FZD6: variants seen among roughly 807,000 people sequenced by gnomAD.
FZD6 encodes frizzled-6.
A neutral mutation model predicts 61.4 loss-of-function variants in FZD6; 49 were observed. The ratio of observed to expected loss-of-function variants is 0.80; its 90% CI spans 0.63 to 1.01. The LOEUF (loss-of-function observed/expected upper bound fraction) is 1.01, where lower values mean the gene tolerates loss of function less well. Ranked by LOEUF, FZD6 falls within the 50% of genes least tolerant of loss-of-function variation. The probability of loss-of-function intolerance (pLI) is 0.00; values close to 1 mark genes in which losing one functional copy is unlikely to be tolerated. For missense variants in FZD6, 724 were observed against 848.2 expected, an observed-to-expected ratio of 0.85 and a Z score of 1.82; for synonymous variants, 265 against 292.2, an observed-to-expected ratio of 0.91 and a Z score of 0.95.
At chr8:103,314,627 A>G (rs1332583432) in intron 2 of FZD6, among the ~76,000 whole-genome samples, 1 of 152,222 alleles carries the variant, frequency 6.6e-6, no homozygotes, top group Non-Finnish European at 1.5e-5. Flanking sequence ...TTGCCCCATC[A>G]GGACAGGGGA....
intron 1 of FZD6, among the ~76,000 whole-genome samples, chr8:103,299,251 C>T (rs1297173004): frequency 6.6e-6 from 1 of 152,212 alleles, no homozygotes; most frequent in Non-Finnish European, 1.5e-5. Context: ...GGCAGGTTCC[C>T]GGGTGTGGGG....
chr8:103,328,452 A>G, intron 5 of FZD6, 36 bp downstream of exon 5: 1 of 1,442,574 alleles, frequency 6.9e-7, no homozygotes, highest in Non-Finnish European at 9.8e-7. Flanking sequence ...ACAATTTTTA[A>G]ATAAATAGAT....
chr8:103,331,080 G>A (rs568879691), intron 6 of FZD6, among the ~76,000 whole-genome samples: 4 of 152,252 alleles, frequency 2.6e-5, no homozygotes, highest in Admixed American at 2.6e-4. Flanking sequence ...GGGAGGCTGA[G>A]GCAGGAGAAT....
At chr8:103,311,877 T>C (rs1279755387) in intron 2 of FZD6, among the ~76,000 whole-genome samples, 1 of 152,146 alleles carries the variant, frequency 6.6e-6, no homozygotes, top group African/African-American at 2.4e-5. Context: ...ACTTTACTGA[T>C]GGATACTCTG....
intron 2 of FZD6, 53 bp downstream of exon 2, chr8:103,300,337 A>G (rs2130255582): frequency 8.2e-7 from 1 of 1,212,270 alleles, no homozygotes; most frequent in East Asian, 2.3e-5. Flanking sequence ...CTGTTCTAGA[A>G]TAAACTAGTA....
Position 103,304,875 on chromosome 8 carries a change from A to C in FZD6, c.177+4591A>C, listed in dbSNP as rs542384705. ...TTAAAGTAAAATTTATCACAAACCA[A>C]AAGGATCTGACTGGGACATCTTGGT... On this transcript the variant is annotated intron_variant, in intron 2 of 6. Transcript: ENST00000358755. Among the ~76,000 whole-genome samples the C allele has an allele frequency of 7.2e-5, 11 of 152,360 alleles. No homozygotes were observed. In the East Asian group the frequency reaches 2.1e-3, roughly 29 times the overall value.
chr8:103,328,231 C>T, intron 4 of FZD6, 37 bp from the exon 5 acceptor site: 1 of 1,510,996 alleles, frequency 6.6e-7, no homozygotes, highest in Non-Finnish European at 9.2e-7. Context: ...ACTTTAAGTG[C>T]ATCACTGAAA....
chr8:103,329,013 T>TTATATATATATATA (rs55730772), intron 5 of FZD6, among the ~76,000 whole-genome samples: 2,250 of 115,122 alleles, frequency 0.02, 82 homozygotes, highest in Non-Finnish European at 0.026. Context: ...CATTTTAGTT[T>TTATATATATATATA]TATATATATA....
chr8:103,331,731 AT>A lies in FZD6; in HGVS notation c.*229del, dbSNP rs1815141445. The stretch of plus-strand genomic sequence containing the variant: ...AACAGAAAATGTGCAGGTTAATAAT[AT>A]TTTTTTAATAGTGTGGGAGGACAGA... On this transcript the variant is annotated 3_prime_UTR_variant, in exon 7 of 7. Transcript: ENST00000358755. 4.1e-6 allele frequency: 2 copies of A among 485,390 alleles called. No individual in the cohort carries two copies. The highest frequency in any genetic ancestry group is 3.3e-5 in the Admixed American group (1 of 30,320). The allele number at this position is 485,390 out of a possible 1,614,324, so 30.1% of individuals were successfully genotyped here.
chr8:103,318,718 A>T lies in FZD6; in HGVS notation c.306A>T (p.Val102=). ...CTTGTCGTAAACTTTGTGAGAAAGT[A>T]TATTCTGATTGCAAAAAATTAATTG... is the stretch of plus-strand genomic sequence containing the variant. ...VPPCRKLCEK[V]YSDCKKLIDT... The change falls in exon 3 of 7, where the codon GTA becomes GTT. Residue 102 remains valine, a synonymous_variant. Coordinates refer to ENST00000358755, the MANE Select transcript of FZD6 (RefSeq NM_003506.4). 1 of 1,610,660 alleles carries T rather than the reference A, an allele frequency of 6.2e-7. No homozygotes were observed. The highest frequency in any genetic ancestry group is 1.1e-5 in the South Asian group (1 of 91,008).
rs1435160261 is a variant in FZD6, at chr8:103,331,612, A to G, written c.*103A>G. 9 of 797,834 alleles carry G rather than the reference A, an allele frequency of 1.1e-5. No individual in the cohort carries two copies. Among genetic ancestry groups the G allele is most frequent in the Non-Finnish European group, 1.7e-5 (8 of 461,614 alleles). 49.4% of individuals were successfully genotyped at this position (797,834 alleles called of 1,614,324 possible). A position where few individuals can be genotyped will look rare whatever the true frequency, so the allele number is the denominator to read the frequency against. Reference sequence around the variant, plus strand: ...CTGTTACATTCTTCTTTTGCACTTAAAGTTGCATTGCCTACTGTTATACTG... The same window carrying G: ...CTGTTACATTCTTCTTTTGCACTTAGAGTTGCATTGCCTACTGTTATACTG... On this transcript the variant is annotated 3_prime_UTR_variant, in exon 7 of 7. Coordinates refer to ENST00000358755, the MANE Select transcript of FZD6 (RefSeq NM_003506.4).
At chr8:103,299,827 G>T (rs1814098821) in intron 1 of FZD6, 129 bp from the exon 2 acceptor site, 3 of 402,072 alleles carry the variant, frequency 7.5e-6, no homozygotes, top group Non-Finnish European at 1.4e-5. Context: ...AGAGTATCTC[G>T]TTAGGACAGA....
At position 103,300,135 on chromosome 8, in the gene FZD6, T is replaced by G. The variant is rs1198557940; in HGVS notation, c.28T>G (p.Cys10Gly). 6.2e-7 allele frequency: 1 copy of G among 1,601,962 alleles called. No individual in the cohort carries two copies. Among genetic ancestry groups the G allele is most frequent in the East Asian group, 2.2e-5 (1 of 44,808 alleles). ...GGAAATGTTTACATTTTTGTTGACG[T>G]GTATTTTTCTACCCCTCCTAAGAGG... is the stretch of plus-strand genomic sequence containing the variant. Reference protein sequence around the residue: MEMFTFLLTCIFLPLLRGHS... With the variant: MEMFTFLLTGIFLPLLRGHS... Residue 10 changes from cysteine to glycine, a missense_variant, in exon 2 of 7, where the codon TGT becomes GGT. By Grantham distance (159) the Cys-to-Gly change is radical. Coordinates refer to ENST00000358755, the MANE Select transcript of FZD6 (RefSeq NM_003506.4).
intron 2 of FZD6, among the ~76,000 whole-genome samples, chr8:103,308,533 A>G (rs1814404786): frequency 1.3e-5 from 2 of 152,142 alleles, no homozygotes; most frequent in Non-Finnish European, 2.9e-5. Flanking sequence ...ATAGTAGCTC[A>G]CTTACAATAG....
At chr8:103,330,371 T>C (rs1382565383) in intron 6 of FZD6, among the ~76,000 whole-genome samples, 1 of 152,232 alleles carries the variant, frequency 6.6e-6, no homozygotes, top group Non-Finnish European at 1.5e-5. Flanking sequence ...AATACTACAT[T>C]ATAATTCTGT....
chr8:103,331,501 G>A lies in FZD6; in HGVS notation c.2113G>A (p.Asp705Asn). ...AGAGCAGGGAGGTGGTTGTCATTCA[G>A]ATACTTGAAGAACATTTTCTCTCGT... ...RKEQGGGCHS[D>N]T The change falls in exon 7 of 7, where the codon GAT (aspartate) becomes AAT (asparagine). Residue 705 changes from aspartate to asparagine, a missense_variant. Coordinates refer to ENST00000358755, the MANE Select transcript of FZD6 (RefSeq NM_003506.4). The A allele has an allele frequency of 1.2e-6, 2 of 1,607,074 alleles. No individual in the cohort carries two copies. Among genetic ancestry groups the A allele is most frequent in the Non-Finnish European group, 1.7e-6 (2 of 1,173,576 alleles).
intron 2 of FZD6, among the ~76,000 whole-genome samples, chr8:103,316,577 A>G (rs191720878): frequency 5.3e-5 from 8 of 152,310 alleles, no homozygotes; most frequent in Non-Finnish European, 1.2e-4. Flanking sequence ...TAAATTTTGT[A>G]TTCCTTACAG....
rs554156370 is a variant in FZD6 at position 103,328,926 on chromosome 8, T to G, written c.1541+510T>G. 8.9e-4 allele frequency among the ~76,000 whole-genome samples: 134 copies of G among 149,998 alleles called. 3 individuals are homozygous for G. The South Asian group carries it at 0.028, about 31-fold the overall frequency. On this transcript the variant is annotated intron_variant, in intron 5 of 6. Transcript: ENST00000358755. ...CAGCTATGACCTAAACTTTCACTTA[T>G]TTGTCTTACTTAAGATGTTAAAATT...
intron 2 of FZD6, among the ~76,000 whole-genome samples, chr8:103,317,078 T>A (rs1398744913): frequency 6.6e-6 from 1 of 152,196 alleles, no homozygotes; most frequent in Non-Finnish European, 1.5e-5. Context: ...AAGAGCAGGA[T>A]AATTTTAGAT....
Sources: gnomAD v4.1 joint callset for allele counts (sites outside exome capture counted in the v4.1 genomes callset) on GRCh38, gnomAD v4.1.1 for gene constraint, MANE v1.5 for transcripts, NCBI Gene and HGNC (gene_info 2026-07-23, HGNC 2026-07-21) for gene names.